Variants in EYA2 observed in about 807,000 individuals in gnomAD.
The protein encoded by EYA2 is EYA transcriptional coactivator and phosphatase 2.
Under a neutral mutation model 69.2 loss-of-function variants are expected in EYA2, and 31 were observed. The ratio of observed to expected loss-of-function variants is 0.45; its 90% CI spans 0.34 to 0.60. EYA2 has a LOEUF of 0.60. Ranked by LOEUF, EYA2 falls within the 20% of genes least tolerant of loss-of-function variation. The pLI is 0.02. For synonymous variants in EYA2, 257 were observed against 279.4 expected, an observed-to-expected ratio of 0.92 and a Z score of 0.80; for missense variants, 622 against 701.2, an observed-to-expected ratio of 0.89 and a Z score of 1.28.
Position 47,143,082 on chromosome 20 carries a change from T to C in EYA2, c.912T>C (p.Ile304=). 1 of 1,614,010 alleles carries C rather than the reference T, an allele frequency of 6.2e-7. No individual in the cohort carries two copies. Among genetic ancestry groups the C allele is most frequent in the Non-Finnish European group, 8.5e-7 (1 of 1,179,934 alleles). The change falls in exon 10 of 16, where the codon ATT becomes ATC. Residue 304 remains isoleucine, a synonymous_variant. Transcript: ENST00000327619. ...AGGACACCACGACGTCCGTGCGCAT[T>C]GGCCTTATGATGGAAGAGATGATCT... ...YGKDTTTSVR[I]GLMMEEMIFN... is the part of the protein sequence containing the mutation.
chr20:47,005,575 T>C (rs140215928), intron 4 of EYA2, among the ~76,000 whole-genome samples: 8 of 152,372 alleles, frequency 5.3e-5, no homozygotes, highest in Middle Eastern at 3.4e-3. Context: ...TTGGCCCTCA[T>C]TGGCCCAAGT....
chr20:47,149,444 T>C (rs2033773509), intron 10 of EYA2, among the ~76,000 whole-genome samples: 1 of 152,052 alleles, frequency 6.6e-6, no homozygotes, highest in African/African-American at 2.4e-5. Context: ...CTAAAGATTG[T>C]AACGGCCCCC....
At chr20:46,937,139 T>C (rs1985944150) in intron 1 of EYA2, among the ~76,000 whole-genome samples, 1 of 152,172 alleles carries the variant, frequency 6.6e-6, no homozygotes, top group Non-Finnish European at 1.5e-5. Context: ...CAGACGTATC[T>C]AGCTCACATT....
At chr20:47,165,377 C>T (rs1383444000) in intron 10 of EYA2, among the ~76,000 whole-genome samples, 1 of 152,172 alleles carries the variant, frequency 6.6e-6, no homozygotes, top group Non-Finnish European at 1.5e-5. Flanking sequence ...TCTGCTGGCT[C>T]AAGAGTGGTC....
chr20:47,153,395 C>A (rs1042122348), intron 10 of EYA2, among the ~76,000 whole-genome samples: 18 of 151,740 alleles, frequency 1.2e-4, no homozygotes, highest in African/African-American at 4.1e-4. Context: ...AATCCTAGCA[C>A]TTTTGGAGGC....
intron 9 of EYA2, among the ~76,000 whole-genome samples, chr20:47,118,530 C>T (rs117534445): frequency 6.6e-6 from 1 of 151,996 alleles, no homozygotes; most frequent in Non-Finnish European, 1.5e-5. Flanking sequence ...GGGGTGGTAC[C>T]CTTTGTTGGC....
At chr20:46,968,070 C>T (rs369098775) in intron 1 of EYA2, among the ~76,000 whole-genome samples, 5 of 152,180 alleles carry the variant, frequency 3.3e-5, no homozygotes, top group African/African-American at 9.7e-5. Flanking sequence ...AAAATGAAGG[C>T]GCCACATGAA....
intron 1 of EYA2, among the ~76,000 whole-genome samples, chr20:46,944,527 A>G (rs796582149): frequency 4.0e-4 from 61 of 152,214 alleles, no homozygotes; most frequent in African/African-American, 1.4e-3. Flanking sequence ...GTGTCCCTGC[A>G]TCTTCAGGGC....
intron 9 of EYA2, among the ~76,000 whole-genome samples, chr20:47,131,381 G>A (rs1017514616): frequency 9.2e-5 from 14 of 152,118 alleles, no homozygotes; most frequent in Non-Finnish European, 1.9e-4. Context: ...CACACCTGCC[G>A]AGAACCACTG....
chr20:47,060,704 C>T (rs1018313379), intron 5 of EYA2, among the ~76,000 whole-genome samples: 1 of 152,230 alleles, frequency 6.6e-6, no homozygotes, highest in African/African-American at 2.4e-5. Flanking sequence ...AGCACTGAAG[C>T]CATCTATCAC....
intron 1 of EYA2, among the ~76,000 whole-genome samples, chr20:46,975,157 A>C (rs1343328065): frequency 6.6e-6 from 1 of 152,090 alleles, no homozygotes; most frequent in African/African-American, 2.4e-5. Context: ...TGGTGATGGA[A>C]TCGTTCTCTA....
At chr20:47,096,045 A>T (rs757383806) in intron 8 of EYA2, 2 of 152,182 alleles carry the variant, frequency 1.3e-5, no homozygotes, top group Admixed American at 1.3e-4. Context: ...TGTTGCAAAC[A>T]AGAAAAAATT....
chr20:47,156,024 A>G (rs1206703715), intron 10 of EYA2, among the ~76,000 whole-genome samples: 1 of 129,856 alleles, frequency 7.7e-6, no homozygotes, highest in Non-Finnish European at 1.6e-5. Flanking sequence ...TTAAATATAT[A>G]TATATATACA....
intron 9 of EYA2, among the ~76,000 whole-genome samples, chr20:47,131,292 A>G (rs762891644): frequency 3.0e-4 from 45 of 152,094 alleles, no homozygotes; most frequent in Admixed American, 5.9e-4. Flanking sequence ...ACCCCCAAAT[A>G]CCACTATCCC....
intron 1 of EYA2, among the ~76,000 whole-genome samples, chr20:46,982,361 C>T (rs1438327626): frequency 1.3e-5 from 2 of 152,160 alleles, no homozygotes; most frequent in East Asian, 3.8e-4. Context: ...TTTATTCCCC[C>T]TCTGACTGCT....
At chr20:47,077,691 T>G (rs1008975698) in intron 7 of EYA2, among the ~76,000 whole-genome samples, 2 of 152,244 alleles carry the variant, frequency 1.3e-5, no homozygotes, top group Non-Finnish European at 2.9e-5. Context: ...GCATGTTAAA[T>G]AAAGTCAACT....
At position 47,156,051 on chromosome 20, in the gene EYA2, CAT is replaced by C. The variant is rs1334675635; in HGVS notation, c.978+12911_978+12912del. 3.6e-3 allele frequency among the ~76,000 whole-genome samples: 310 copies of C among 86,400 alleles called. 3 individuals are homozygous for C. Among genetic ancestry groups the C allele is most frequent in the African/African-American group, 0.014 (243 of 17,484 alleles). 56.7% of individuals were successfully genotyped at this position (86,400 alleles called of 152,430 possible). A position where few individuals can be genotyped will look rare whatever the true frequency, so the allele number is the denominator to read the frequency against. ...ATATATACATACACACACACACACA[CAT>C]ATATATACATACACACACACACACA... On this transcript the variant is annotated intron_variant, in intron 10 of 15. Coordinates refer to ENST00000327619, the MANE Select transcript of EYA2 (RefSeq NM_005244.5).
chr20:46,994,403 CT>C (rs1006469735), intron 2 of EYA2, among the ~76,000 whole-genome samples: 1 of 152,102 alleles, frequency 6.6e-6, no homozygotes, highest in African/African-American at 2.4e-5. Context: ...GAAAATTTTT[CT>C]TTTAAAATGC....
intron 1 of EYA2, among the ~76,000 whole-genome samples, chr20:46,983,041 G>A (rs1980941348): frequency 6.6e-6 from 1 of 152,098 alleles, no homozygotes; most frequent in African/African-American, 2.4e-5. Flanking sequence ...CCAAAGTGCT[G>A]GGATTACAGA....
Sources: allele counts gnomAD v4.1 joint callset (sites outside exome capture counted in the v4.1 genomes callset), GRCh38; gene constraint gnomAD v4.1.1; transcripts MANE v1.5; gene names NCBI Gene and HGNC (gene_info 2026-07-23, HGNC 2026-07-21).